The following RP1 variants were observed in gnomAD, a reference collection of about 807,000 sequenced individuals.
RP1 encodes the protein oxygen-regulated protein 1.
Under a neutral mutation model 14.8 loss-of-function variants are expected in RP1, and 16 were observed. The observed-to-expected ratio is 1.08, with a 90% CI of 0.73 to 1.65. RP1 has a LOEUF of 1.65. Ranked by LOEUF, RP1 falls within the 40% of genes most tolerant of loss-of-function variation. RP1 has a pLI of 0.00. For synonymous variants in RP1, 876 were observed against 883.6 expected (o/e 0.99, Z 0.15); for missense variants, 2,631 against 2,535.0 (o/e 1.04, Z -0.81).
intron 1 of RP1, among the ~76,000 whole-genome samples, chr8:54,610,234 C>T (rs1357491599): frequency 6.6e-6 from 1 of 152,168 alleles, no homozygotes; most frequent in African/African-American, 2.4e-5. Flanking sequence ...TGAAACACTT[C>T]TTTCCTTTGG....
intron 1 of RP1, among the ~76,000 whole-genome samples, chr8:54,574,011 C>A (rs1355067195): frequency 1.3e-5 from 2 of 152,186 alleles, no homozygotes; most frequent in Non-Finnish European, 2.9e-5. Flanking sequence ...TGCTCTCATG[C>A]TGCTTTCCAG....
intron 24 of RP1, among the ~76,000 whole-genome samples, chr8:54,821,757 C>A (rs1027105413): frequency 3.9e-5 from 6 of 152,140 alleles, no homozygotes; most frequent in African/African-American, 1.4e-4. Flanking sequence ...GGCAGCTGTT[C>A]GTTCATCTAC....
chr8:54,586,653 G>A (rs1159043477), intron 1 of RP1, among the ~76,000 whole-genome samples: 1 of 152,220 alleles, frequency 6.6e-6, no homozygotes, highest in Non-Finnish European at 1.5e-5. Context: ...ACCCAGTCGA[G>A]CTTCCTGGCT....
intron 24 of RP1, among the ~76,000 whole-genome samples, chr8:54,812,609 T>G (rs1311381462): frequency 1.3e-5 from 2 of 152,226 alleles, no homozygotes; most frequent in African/African-American, 4.8e-5. Flanking sequence ...AAGCTTTCAC[T>G]TCCAATTCTG....
intron 12 of RP1, among the ~76,000 whole-genome samples, chr8:54,691,365 T>G (rs886957988): frequency 6.6e-6 from 1 of 152,074 alleles, no homozygotes; most frequent in Non-Finnish European, 1.5e-5. Flanking sequence ...GGTAATTGAA[T>G]TATTCATTGA....
chr8:54,606,368 G>GC (rs1335804189), intron 1 of RP1, among the ~76,000 whole-genome samples: 5 of 151,638 alleles, frequency 3.3e-5, no homozygotes, highest in Non-Finnish European at 1.5e-5. Context: ...TTGAATATTG[G>GC]CCCCCACTCT....
chr8:54,595,132 A>ATT (rs1290366781), intron 1 of RP1, among the ~76,000 whole-genome samples: 1 of 141,508 alleles, frequency 7.1e-6, no homozygotes, highest in Admixed American at 7.1e-5. Context: ...TCCTCCAAAC[A>ATT]TTTTTTTTTT....
At chr8:54,577,276 G>A (rs776967201) in intron 1 of RP1, among the ~76,000 whole-genome samples, 7 of 152,022 alleles carry the variant, frequency 4.6e-5, no homozygotes, top group Non-Finnish European at 7.4e-5. Context: ...TCAGCCTCCC[G>A]GAGTGCTGGG....
At chr8:54,562,391 G>T (rs547926340) in intron 1 of RP1, among the ~76,000 whole-genome samples, 3 of 152,316 alleles carry the variant, frequency 2.0e-5, no homozygotes, top group Non-Finnish European at 2.9e-5. Flanking sequence ...TAAGTTAAAA[G>T]AAATATTTTA....
intron 4 of RP1, among the ~76,000 whole-genome samples, chr8:54,650,384 T>G (rs192501818): frequency 6.6e-6 from 1 of 152,288 alleles, no homozygotes; most frequent in Admixed American, 6.5e-5. Flanking sequence ...CTTCCTTTCC[T>G]TTTTCCCTGT....
downstream of RP1, among the ~76,000 whole-genome samples, chr8:54,633,735 C>CTATATATATATATATA (rs1348966106): frequency 6.3e-5 from 8 of 126,490 alleles, no homozygotes; most frequent in African/African-American, 2.5e-4. Flanking sequence ...CTCTCTCTCT[C>CTATATATATATATATA]TCTATATATA....
At chr8:54,624,020 A>G (rs1469867187) in intron 3 of RP1, among the ~76,000 whole-genome samples, 1 of 152,214 alleles carries the variant, frequency 6.6e-6, no homozygotes, top group Non-Finnish European at 1.5e-5. Context: ...AATTAAAATT[A>G]CCTTATTAAA....
chr8:54,613,462 T>A (rs1805643880), upstream of RP1, among the ~76,000 whole-genome samples: 1 of 152,198 alleles, frequency 6.6e-6, no homozygotes, highest in Non-Finnish European at 1.5e-5. Flanking sequence ...TAATAGGTAT[T>A]TATTAAGTGC....
At chr8:54,653,811 T>A (rs1235002032) in intron 5 of RP1, among the ~76,000 whole-genome samples, 1 of 152,204 alleles carries the variant, frequency 6.6e-6, no homozygotes, top group Non-Finnish European at 1.5e-5. Context: ...AGTATGATAT[T>A]CAAATTGATT....
chr8:54,726,538 C>G, intron 17 of RP1: 1 of 1,463,756 alleles, frequency 6.8e-7, no homozygotes, highest in East Asian at 2.5e-5. Context: ...CTTCCTGTGG[C>G]CATTGCAGGA....
At chr8:54,656,047 C>A (rs1460469077) in intron 5 of RP1, 2 of 1,429,222 alleles carry the variant, frequency 1.4e-6, no homozygotes, top group Admixed American at 2.4e-5. Context: ...ATAAAGCATT[C>A]CTACATTTTT....
At chr8:54,753,113 A>C (rs1176682493) in intron 19 of RP1, among the ~76,000 whole-genome samples, 2 of 152,186 alleles carry the variant, frequency 1.3e-5, no homozygotes, top group African/African-American at 4.8e-5. Flanking sequence ...TCTCATGGTC[A>C]GTTGGAAATG....
At chr8:54,602,039 A>AT (rs1221025161) in intron 1 of RP1, among the ~76,000 whole-genome samples, 4 of 152,118 alleles carry the variant, frequency 2.6e-5, no homozygotes, top group African/African-American at 7.2e-5. Context: ...TGAATCATCC[A>AT]TTTTTTTAAA....
chr8:54,742,000 G>C (rs1475216545), intron 19 of RP1, among the ~76,000 whole-genome samples: 2 of 151,628 alleles, frequency 1.3e-5, no homozygotes, highest in Admixed American at 6.6e-5. Flanking sequence ...ACTGAGGCTC[G>C]ATCAAGTTAA....
Sources: allele counts gnomAD v4.1 joint callset (sites outside exome capture counted in the v4.1 genomes callset), GRCh38; gene constraint gnomAD v4.1.1; transcripts MANE v1.5; gene names NCBI Gene and HGNC (gene_info 2026-07-23, HGNC 2026-07-21).